Variants in RBM47 observed in about 807,000 individuals in gnomAD.
RBM47 encodes the protein RNA binding motif protein 47, also known as RNA-binding protein 47.
RBM47 carries 21 observed loss-of-function variants against 47.1 expected under a neutral mutation model. That is an observed-to-expected ratio of 0.45 (90% confidence interval 0.32 to 0.64). RBM47 has a LOEUF of 0.64. RBM47 is among the 30% of genes least tolerant of loss of function. The pLI, the probability that RBM47 is intolerant of heterozygous loss-of-function variation, is 0.05. For missense variants in RBM47, 708 were observed against 870.9 expected (o/e 0.81, Z 2.35); for synonymous variants, 375 against 361.7 (o/e 1.04, Z -0.42).
chr4:40,434,407 T>C (rs1271764778), intron 5 of RBM47, among the ~76,000 whole-genome samples: 2 of 152,148 alleles, frequency 1.3e-5, no homozygotes, highest in African/African-American at 4.8e-5. Flanking sequence ...AGTAAATGAA[T>C]TGTTCTGGCT....
chr4:40,472,524 T>C (rs1379107587), intron 2 of RBM47, among the ~76,000 whole-genome samples: 1 of 146,196 alleles, frequency 6.8e-6, no homozygotes, highest in Non-Finnish European at 1.5e-5. Context: ...ATCACGCCAT[T>C]GCACCCCAGC....
At chr4:40,593,213 G>T (rs1476363988) in intron 1 of RBM47, among the ~76,000 whole-genome samples, 28 of 149,398 alleles carry the variant, frequency 1.9e-4, no homozygotes, top group South Asian at 1.3e-3. Flanking sequence ...TTAGCCAGAA[G>T]GGTCTCGATC....
At position 40,424,056 on chromosome 4, in the gene RBM47, T is replaced by C. The variant is rs1318861051; in HGVS notation, c.*1848A>G. The C allele has an allele frequency of 6.6e-6, 1 of 152,184 alleles. No homozygotes were observed. 9.4% of individuals were successfully genotyped at this position (152,184 alleles called of 1,614,324 possible). A position where few individuals can be genotyped will look rare whatever the true frequency, so the allele number is the denominator to read the frequency against. ...GTAGGCACTCAATAATTTTATAGAATAGTTAAATAAATATTGCTTACACAT... is the reference window on the plus strand; with the variant it reads ...GTAGGCACTCAATAATTTTATAGAACAGTTAAATAAATATTGCTTACACAT... On this transcript the variant is annotated 3_prime_UTR_variant, in exon 7 of 7. Coordinates refer to ENST00000295971, the MANE Select transcript of RBM47 (RefSeq NM_001098634.2).
rs1187376207 is a variant in RBM47, at chr4:40,629,467, C to T, written c.-311G>A. The T allele has an allele frequency of 6.6e-6, 1 of 152,196 alleles. No individual in the cohort carries two copies. Among genetic ancestry groups the T allele is most frequent in the African/African-American group, 2.4e-5 (1 of 41,446 alleles). 9.4% of individuals were successfully genotyped at this position (152,196 alleles called of 1,614,324 possible). On this transcript the variant is annotated 5_prime_UTR_variant, in exon 1 of 7. Coordinates refer to ENST00000295971, the MANE Select transcript of RBM47 (RefSeq NM_001098634.2). ...CATTCACAGCCCAGGAGCAACTTAA[C>T]ACAGCTAGGAAGTCACCTACAACAT...
chr4:40,511,430 A>G (rs892412227), intron 2 of RBM47, among the ~76,000 whole-genome samples: 2 of 152,220 alleles, frequency 1.3e-5, no homozygotes, highest in Non-Finnish European at 2.9e-5. Context: ...GCTTGTAGAG[A>G]CGTTACTCAA....
At chr4:40,511,061 C>T (rs780783588) in intron 2 of RBM47, among the ~76,000 whole-genome samples, 1 of 152,158 alleles carries the variant, frequency 6.6e-6, no homozygotes, top group African/African-American at 2.4e-5. Flanking sequence ...CTAACCTATA[C>T]GCATTCAGTT....
chr4:40,592,620 C>A (rs941072110), intron 1 of RBM47, among the ~76,000 whole-genome samples: 1 of 151,170 alleles, frequency 6.6e-6, no homozygotes, highest in African/African-American at 2.4e-5. Flanking sequence ...GACGGGGTTT[C>A]TCTATGTTGG....
At chr4:40,436,994 C>G (rs1312801035) in intron 4 of RBM47, 1 of 375,258 alleles carries the variant, frequency 2.7e-6, no homozygotes, top group African/African-American at 2.4e-5. Context: ...AATCCCAGCA[C>G]TTTGGGAGGC....
chr4:40,514,412 C>G (rs966033075), intron 2 of RBM47: 1 of 152,166 alleles, frequency 6.6e-6, no homozygotes, highest in African/African-American at 2.4e-5. Context: ...TCCCTTTTGC[C>G]CCCGTCTTCC....
At chr4:40,453,340 G>GC (rs953387507) in intron 3 of RBM47, among the ~76,000 whole-genome samples, 21 of 152,282 alleles carry the variant, frequency 1.4e-4, no homozygotes, top group Admixed American at 8.5e-4. Flanking sequence ...AAGTGCACAA[G>GC]CAAGGATGGA....
chr4:40,603,732 G>A (rs550911586), intron 1 of RBM47, among the ~76,000 whole-genome samples: 1 of 152,246 alleles, frequency 6.6e-6, no homozygotes, highest in African/African-American at 2.4e-5. Context: ...CTCACAAGTA[G>A]CTGGGATGAC....
chr4:40,630,100 G>T (rs1738102126), upstream of RBM47: 1 of 152,224 alleles, frequency 6.6e-6, no homozygotes, highest in East Asian at 1.9e-4. Flanking sequence ...TTTTAGGAGC[G>T]CAGATACCTT....
intron 1 of RBM47, among the ~76,000 whole-genome samples, chr4:40,621,753 A>G (rs1268003739): frequency 6.6e-6 from 1 of 152,262 alleles, no homozygotes; most frequent in Admixed American, 6.5e-5. Context: ...ACAGAGGGCT[A>G]CACATTTAGA....
intron 1 of RBM47, among the ~76,000 whole-genome samples, chr4:40,608,907 A>G (rs1037086803): frequency 6.6e-6 from 1 of 152,176 alleles, no homozygotes; most frequent in African/African-American, 2.4e-5. Context: ...TCCTGCTGTC[A>G]TTGCTGATTT....
At chr4:40,472,561 T>TC (rs1553885782) in intron 2 of RBM47, among the ~76,000 whole-genome samples, 2 of 68,678 alleles carry the variant, frequency 2.9e-5, no homozygotes, top group African/African-American at 1.9e-4. Flanking sequence ...ATGCTCTGTC[T>TC]CAAAAAAAAA....
intron 1 of RBM47, among the ~76,000 whole-genome samples, chr4:40,547,628 C>T (rs981660432): frequency 6.6e-6 from 1 of 152,150 alleles, no homozygotes; most frequent in African/African-American, 2.4e-5. Context: ...TCTCCCAGGA[C>T]CAGATGAGTC....
intron 2 of RBM47, among the ~76,000 whole-genome samples, chr4:40,518,468 G>A (rs111233904): frequency 0.012 from 1,805 of 152,088 alleles, 20 homozygotes; most frequent in African/African-American, 0.029. Context: ...GAGCAACCAC[G>A]CCCAGCTGCA....
At chr4:40,517,550 A>T (rs956831167) in intron 2 of RBM47, among the ~76,000 whole-genome samples, 1 of 152,226 alleles carries the variant, frequency 6.6e-6, no homozygotes, top group Admixed American at 6.5e-5. Context: ...GTTTGAAGAC[A>T]CAAAATCTGA....
intron 1 of RBM47, among the ~76,000 whole-genome samples, chr4:40,618,572 A>G (rs1005262019): frequency 6.6e-6 from 1 of 152,036 alleles, no homozygotes. Flanking sequence ...GCACTTTGGA[A>G]GGCCGAGGTG....
Sources: gnomAD v4.1 joint callset for allele counts (sites outside exome capture counted in the v4.1 genomes callset) on GRCh38, gnomAD v4.1.1 for gene constraint, MANE v1.5 for transcripts, NCBI Gene and HGNC (gene_info 2026-07-23, HGNC 2026-07-21) for gene names.